RRAS2: variants seen among roughly 807,000 people sequenced by gnomAD.
The protein encoded by RRAS2 is ras-related protein R-Ras2.
RRAS2 carries 7 observed loss-of-function variants against 27.6 expected under a neutral mutation model. The ratio of observed to expected loss-of-function variants is 0.25; its 90% CI spans 0.14 to 0.48. The LOEUF (loss-of-function observed/expected upper bound fraction) is 0.48, where lower values mean the gene tolerates loss of function less well. Among genes scored for constraint, RRAS2 ranks in the 20% least tolerant of loss-of-function variants. The pLI is 0.99. For missense variants in RRAS2, 178 were observed against 256.2 expected (o/e 0.69, Z 2.08); for synonymous variants, 86 against 90.9 (o/e 0.95, Z 0.31).
intron 4 of RRAS2, among the ~76,000 whole-genome samples, chr11:14,289,175 T>C (rs1849746059): frequency 6.6e-6 from 1 of 152,206 alleles, no homozygotes. Flanking sequence ...TGGTCAAAAG[T>C]ACTGACAGAT....
intron 1 of RRAS2, among the ~76,000 whole-genome samples, chr11:14,327,924 G>C (rs934190994): frequency 2.6e-5 from 4 of 152,100 alleles, no homozygotes; most frequent in Non-Finnish European, 5.9e-5. Flanking sequence ...AAAGCATGGA[G>C]GAAAAAACAC....
intron 5 of RRAS2, among the ~76,000 whole-genome samples, chr11:14,279,853 T>C (rs1554944052): frequency 1.3e-5 from 2 of 152,226 alleles, no homozygotes; most frequent in Non-Finnish European, 2.9e-5. Flanking sequence ...AGCCCCAGTT[T>C]TTTTAGAGGG....
intron 1 of RRAS2, among the ~76,000 whole-genome samples, chr11:14,350,335 T>C (rs1848923506): frequency 1.3e-5 from 2 of 152,164 alleles, no homozygotes; most frequent in African/African-American, 2.4e-5. Context: ...TCCCTGGGAC[T>C]GGGGTGTGAG....
chr11:14,309,010 A>G (rs554710236), intron 1 of RRAS2, among the ~76,000 whole-genome samples: 5 of 152,234 alleles, frequency 3.3e-5, no homozygotes, highest in Non-Finnish European at 7.3e-5. Context: ...TACACTGCTT[A>G]ACTAAAACTG....
At chr11:14,312,673 G>C (rs1241099577) in intron 1 of RRAS2, among the ~76,000 whole-genome samples, 1 of 151,932 alleles carries the variant, frequency 6.6e-6, no homozygotes, top group Admixed American at 6.5e-5. Context: ...CTACCACCTA[G>C]GACTCCCAAA....
Position 14,356,074 on chromosome 11 carries a change from C to T in RRAS2, c.108+2689G>A, listed in dbSNP as rs1255488464. The stretch of plus-strand genomic sequence containing the variant: ...TAATTTCACAGCTATATGTGGTCCA[C>T]CATATTTCCCCAGTTTACAGATGGG... On this transcript the variant is annotated intron_variant, in intron 1 of 5. Coordinates refer to ENST00000256196, the MANE Select transcript of RRAS2 (RefSeq NM_012250.6). Among the ~76,000 whole-genome samples the T allele has an allele frequency of 3.9e-5, 6 of 152,300 alleles. No individual in the cohort carries two copies. The East Asian group carries it at 1.2e-3, about 29-fold the overall frequency.
chr11:14,302,182 C>T (rs1847733040), intron 1 of RRAS2, among the ~76,000 whole-genome samples: 2 of 151,876 alleles, frequency 1.3e-5, no homozygotes, highest in Admixed American at 6.6e-5. Context: ...TCACCCCTTA[C>T]CCCCACACTA....
intron 1 of RRAS2, among the ~76,000 whole-genome samples, chr11:14,301,953 A>G (rs1847717804): frequency 6.6e-6 from 1 of 152,142 alleles, no homozygotes; most frequent in African/African-American, 2.4e-5. Flanking sequence ...ACTGCACTCC[A>G]GCCTGGGCAA....
intron 1 of RRAS2, among the ~76,000 whole-genome samples, chr11:14,345,502 G>A (rs1024766531): frequency 2.6e-5 from 4 of 152,192 alleles, no homozygotes; most frequent in Non-Finnish European, 2.9e-5. Flanking sequence ...TTAAGATAAT[G>A]TCAAGGTGAA....
Position 14,359,133 on chromosome 11 carries a change from T to G in RRAS2, c.-263A>C, listed in dbSNP as rs1554955936. On this transcript the variant is annotated 5_prime_UTR_variant, in exon 1 of 6. Transcript: ENST00000256196. ...CGGGGGGCGCGCTCCTCTACGCGTC[T>G]CCGCAGCGCCTGCCGAACGCAGCCT... is the stretch of plus-strand genomic sequence containing the variant. The G allele has an allele frequency of 6.8e-6, 7 of 1,027,536 alleles. No homozygotes were observed. Among genetic ancestry groups the G allele is most frequent in the African/African-American group, 1.7e-5 (1 of 58,198 alleles). The allele number at this position is 1,027,536 out of a possible 1,614,324, so 63.7% of individuals were successfully genotyped here.
chr11:14,338,545 T>A (rs553064770), intron 1 of RRAS2, among the ~76,000 whole-genome samples: 4 of 152,272 alleles, frequency 2.6e-5, no homozygotes, highest in African/African-American at 9.6e-5. Flanking sequence ...TGTTTCAAGG[T>A]CAAGAGCAAA....
intron 4 of RRAS2, among the ~76,000 whole-genome samples, chr11:14,286,328 T>C (rs1849660790): frequency 6.6e-6 from 1 of 152,190 alleles, no homozygotes; most frequent in Admixed American, 6.5e-5. Context: ...CCTAAACACA[T>C]TCCTGAGCTT....
intron 2 of RRAS2, among the ~76,000 whole-genome samples, chr11:14,295,183 C>T (rs1847512238): frequency 1.3e-5 from 2 of 152,028 alleles, no homozygotes; most frequent in South Asian, 4.1e-4. Flanking sequence ...TGTTTTATCC[C>T]CTCCATGGAA....
chr11:14,287,337 C>G (rs191584080), intron 4 of RRAS2, among the ~76,000 whole-genome samples: 1 of 152,082 alleles, frequency 6.6e-6, no homozygotes, highest in East Asian at 1.9e-4. Flanking sequence ...GTACAACTAA[C>G]CAAATAGGTA....
At chr11:14,318,646 G>C (rs938294566) in intron 1 of RRAS2, among the ~76,000 whole-genome samples, 3 of 152,146 alleles carry the variant, frequency 2.0e-5, no homozygotes, top group Non-Finnish European at 4.4e-5. Context: ...CACTACCTGT[G>C]TCTCCCAGTG....
intron 1 of RRAS2, among the ~76,000 whole-genome samples, chr11:14,308,821 G>T (rs1847889775): frequency 6.6e-6 from 1 of 152,272 alleles, no homozygotes; most frequent in African/African-American, 2.4e-5. Flanking sequence ...CAGGTGCTAT[G>T]AAGTAAAGAG....
intron 1 of RRAS2, among the ~76,000 whole-genome samples, chr11:14,321,440 A>AG (rs1848220795): frequency 6.6e-6 from 1 of 152,012 alleles, no homozygotes; most frequent in East Asian, 1.9e-4. Context: ...GTTCTTGTAT[A>AG]GGGGTTGGGG....
rs974177423 is a variant in RRAS2 at position 14,312,231 on chromosome 11, A to G, written c.109-16376T>C. Among the ~76,000 whole-genome samples, 16 of 152,352 alleles carry G rather than the reference A, an allele frequency of 1.1e-4. No individual in the cohort carries two copies. In the South Asian group the frequency reaches 1.4e-3, roughly 14 times the overall value. On this transcript the variant is annotated intron_variant, in intron 1 of 5. Transcript: ENST00000256196. ...ACGGACTAGTTACATGAATTACAGC[A>G]TATCTATCACAGCATAGCAAACAGC... is the stretch of plus-strand genomic sequence containing the variant.
chr11:14,297,438 A>T (rs2133965675), intron 1 of RRAS2, among the ~76,000 whole-genome samples: 2 of 152,086 alleles, frequency 1.3e-5, no homozygotes, highest in East Asian at 1.9e-4. Context: ...GACTTTACAT[A>T]TTTTTTTTGA....
Sources: gnomAD v4.1 joint callset for allele counts (sites outside exome capture counted in the v4.1 genomes callset) on GRCh38, gnomAD v4.1.1 for gene constraint, MANE v1.5 for transcripts, NCBI Gene and HGNC (gene_info 2026-07-23, HGNC 2026-07-21) for gene names.